PRKCD: variants seen among roughly 807,000 people sequenced by gnomAD.
PRKCD encodes protein kinase C delta, also known as protein kinase C delta type.
In PRKCD, 20 loss-of-function variants were observed where a neutral mutation model predicts 82.2. That is an observed-to-expected ratio of 0.24 (90% CI 0.17 to 0.35). PRKCD has a LOEUF of 0.35. Among genes scored for constraint, PRKCD ranks in the 10% least tolerant of loss-of-function variants. The pLI is 1.00. For synonymous variants in PRKCD, 317 were observed against 337.0 expected, an observed-to-expected ratio of 0.94 and a Z score of 0.65; for missense variants, 607 against 899.0, an observed-to-expected ratio of 0.68 and a Z score of 4.15.
Position 53,181,213 on chromosome 3 carries a change from C to T in PRKCD, c.322C>T (p.Leu108=). The T allele has an allele frequency of 6.2e-7, 1 of 1,613,766 alleles. No homozygotes were observed. The highest frequency in any genetic ancestry group is 8.5e-7 in the Non-Finnish European group (1 of 1,179,818). ...NNGKAEFWLD[L]QPQAKVLMSV... is the part of the protein sequence containing the mutation. ...GGCCTCTGGCCCCCAACAGCTGGAC[C>T]TGCAGCCTCAGGCCAAGGTGTTGAT... The change falls in exon 5 of 19, where the codon CTG becomes TTG. Residue 108 remains leucine, a synonymous_variant. Transcript: ENST00000330452.
chr3:53,180,823 G>T (rs1296597233), intron 4 of PRKCD, among the ~76,000 whole-genome samples: 1 of 152,186 alleles, frequency 6.6e-6, no homozygotes, highest in African/African-American at 2.4e-5. Context: ...GCACGAGGAT[G>T]AGTGTGTCTG....
intron 7 of PRKCD, among the ~76,000 whole-genome samples, chr3:53,182,429 C>G (rs376566322): frequency 6.6e-6 from 1 of 152,134 alleles, no homozygotes; most frequent in Non-Finnish European, 1.5e-5. Context: ...CCACCATGCC[C>G]GGCTAATTTT....
At chr3:53,177,268 G>A (rs1703243921) in intron 2 of PRKCD, among the ~76,000 whole-genome samples, 1 of 152,168 alleles carries the variant, frequency 6.6e-6, no homozygotes, top group Non-Finnish European at 1.5e-5. Flanking sequence ...AAGATTATGG[G>A]AGTGAGCCAC....
intron 2 of PRKCD, among the ~76,000 whole-genome samples, chr3:53,174,074 G>C (rs975535505): frequency 3.3e-5 from 5 of 152,244 alleles, no homozygotes; most frequent in African/African-American, 1.2e-4. Flanking sequence ...CTTTTGGAAA[G>C]TCACTTTGCT....
intron 18 of PRKCD, among the ~76,000 whole-genome samples, 165 bp downstream of exon 18, chr3:53,190,166 A>G (rs950103852): frequency 6.6e-6 from 1 of 151,936 alleles, no homozygotes; most frequent in Non-Finnish European, 1.5e-5. Context: ...CTCCCTCCTG[A>G]CTCAGTCATT....
intron 2 of PRKCD, among the ~76,000 whole-genome samples, chr3:53,175,325 G>A (rs1160231778): frequency 1.3e-5 from 2 of 152,192 alleles, no homozygotes; most frequent in African/African-American, 4.8e-5. Context: ...GAAGGGAGGT[G>A]CACAGTGAGG....
At chr3:53,170,532 G>A (rs34016895) in intron 2 of PRKCD, among the ~76,000 whole-genome samples, 1 of 152,240 alleles carries the variant, frequency 6.6e-6, no homozygotes, top group Non-Finnish European at 1.5e-5. Context: ...CGGGCGGGCG[G>A]AGGCCTGCCC....
Position 53,188,738 on chromosome 3 carries a change from T to C in PRKCD, c.1434T>C (p.Asn478=). The C allele has an allele frequency of 6.2e-7, 1 of 1,614,178 alleles. No individual in the cohort carries two copies. The part of the protein sequence containing the change: ...GIIYRDLKLD[N]VLLDRDGHIK... ...TCCTTAGGGACCTCAAACTGGACAA[T>C]GTGCTGCTGGACCGGGATGGCCACA... Residue 478 remains asparagine (N), a synonymous_variant, in exon 16 of 19, where the codon AAT becomes AAC. Coordinates refer to ENST00000330452, the MANE Select transcript of PRKCD (RefSeq NM_006254.4).
At chr3:53,185,736 T>C (rs1553668873) in intron 11 of PRKCD, 36 bp downstream of exon 11, 2 of 1,601,584 alleles carry the variant, frequency 1.2e-6, no homozygotes, top group Admixed American at 1.7e-5. Flanking sequence ...ACGGTTTTTA[T>C]TCCCCCTGAG....
Position 53,179,616 on chromosome 3 carries a change from A to G in PRKCD, c.155A>G (p.Tyr52Cys), listed in dbSNP as rs782360444. The change falls in exon 4 of 19, where the codon TAT becomes TGT. Residue 52 changes from tyrosine to cysteine, a missense_variant. Physicochemically the swap from Tyr to Cys is radical, Grantham distance 194 (BLOSUM62 -2). Transcript: ENST00000330452. Reference protein sequence around the residue: ...KTLVQKKPTMYPEWKSTFDAH... With the variant: ...KTLVQKKPTMCPEWKSTFDAH... Reference sequence around the variant, plus strand: ...CTGGTGCAGAAGAAGCCGACCATGTATCCTGAGTGGAAGTCGACGTTCGAT... The same window carrying G: ...CTGGTGCAGAAGAAGCCGACCATGTGTCCTGAGTGGAAGTCGACGTTCGAT... The G allele has an allele frequency of 6.2e-7, 1 of 1,614,200 alleles. No individual in the cohort carries two copies. Among genetic ancestry groups the G allele is most frequent in the Admixed American group, 1.7e-5 (1 of 60,034 alleles).
chr3:53,187,184 C>A (rs1703735908), intron 14 of PRKCD, among the ~76,000 whole-genome samples, 156 bp from the exon 15 acceptor site: 1 of 152,236 alleles, frequency 6.6e-6, no homozygotes, highest in Admixed American at 6.5e-5. Context: ...TGCCAGCCCC[C>A]ACTTGCCTGA....
chr3:53,161,939 C>G (rs1702677948), intron 1 of PRKCD, among the ~76,000 whole-genome samples: 2 of 149,774 alleles, frequency 1.3e-5, no homozygotes, highest in South Asian at 4.3e-4. Flanking sequence ...CTCGCCGCCC[C>G]CTGCCAGTCC....
chr3:53,192,051 G>T (rs1448352398), intron 18 of PRKCD, 57 bp from the exon 19 acceptor site: 6 of 1,577,308 alleles, frequency 3.8e-6, no homozygotes, highest in Non-Finnish European at 4.4e-6. Context: ...CCAGCCTGGG[G>T]TGTCTGGAGG....
intron 13 of PRKCD, 102 bp from the exon 14 acceptor site, chr3:53,186,502 G>T (rs1703696699): frequency 2.9e-6 from 4 of 1,382,374 alleles, no homozygotes; most frequent in Non-Finnish European, 4.0e-6. Context: ...CTCAGCCAGG[G>T]CCTGTCCCTG....
chr3:53,186,523 T>TTGGGGAAACAGTGGCCCCAG lies in PRKCD; in HGVS notation c.1261-76_1261-75insAAACAGTGGCCCCAGTGGGG, dbSNP rs1268020305. ...CAGGGCCTGTCCCTGCTGTTTCCTG[T>TTGGGGAAACAGTGGCCCCAG]TGGGGCTTGGCCCCAGTGGCCCTCA... is the stretch of plus-strand genomic sequence containing the variant. On this transcript the variant is annotated intron_variant, in intron 13 of 18. Coordinates refer to ENST00000330452, the MANE Select transcript of PRKCD (RefSeq NM_006254.4). The TTGGGGAAACAGTGGCCCCAG allele has an allele frequency of 2.1e-6, 3 of 1,424,700 alleles. No individual in the cohort carries two copies. In the Admixed American group the frequency reaches 5.5e-5, roughly 26 times the overall value. 88.3% of individuals were successfully genotyped at this position (1,424,700 alleles called of 1,614,324 possible). A position where few individuals can be genotyped will look rare whatever the true frequency, so the allele number is the denominator to read the frequency against.
At chr3:53,166,263 T>A (rs1702828741) in intron 2 of PRKCD, among the ~76,000 whole-genome samples, 1 of 152,182 alleles carries the variant, frequency 6.6e-6, no homozygotes, top group Admixed American at 6.5e-5. Flanking sequence ...ATTGGACCTG[T>A]CCCTAAACCT....
chr3:53,180,523 T>A, intron 4 of PRKCD, among the ~76,000 whole-genome samples: 1 of 152,088 alleles, frequency 6.6e-6, no homozygotes, highest in East Asian at 1.9e-4. Flanking sequence ...AACCAAGATG[T>A]CTCCACCAGG....
At chr3:53,176,349 C>T (rs1703213588) in intron 2 of PRKCD, among the ~76,000 whole-genome samples, 1 of 152,258 alleles carries the variant, frequency 6.6e-6, no homozygotes, top group Admixed American at 6.5e-5. Flanking sequence ...CCTGGACTCA[C>T]TGGGCTGGGC....
At position 53,169,669 on chromosome 3, in the gene PRKCD, C is replaced by T. The variant is rs576969512; in HGVS notation, c.-20+4454C>T. ...AGGGCTGGAGAAAGCTTAGAGGTCTCCATTGTTGAGACAGGGAGGCTGGAG... is the reference window on the plus strand; with the variant it reads ...AGGGCTGGAGAAAGCTTAGAGGTCTTCATTGTTGAGACAGGGAGGCTGGAG... On this transcript the variant is annotated intron_variant, in intron 2 of 18. Coordinates refer to ENST00000330452, the MANE Select transcript of PRKCD (RefSeq NM_006254.4). The surrounding 1 kb of genome is among the most constrained non-coding windows in gnomAD (Gnocchi z 4.7). Among the ~76,000 whole-genome samples, 659 of 152,248 alleles carry T rather than the reference C, an allele frequency of 4.3e-3. 2 individuals carry two copies. Among genetic ancestry groups the T allele is most frequent in the Non-Finnish European group, 6.9e-3 (467 of 68,000 alleles).
Sources: allele counts gnomAD v4.1 joint callset (sites outside exome capture counted in the v4.1 genomes callset), GRCh38; gene constraint gnomAD v4.1.1; non-coding constraint Gnocchi (gnomAD v3.1); transcripts MANE v1.5; gene names NCBI Gene and HGNC (gene_info 2026-07-23, HGNC 2026-07-21).